Variants in PCDH15 observed in about 807,000 individuals in gnomAD.
PCDH15 encodes the protein protocadherin related 15.
In PCDH15, 129 loss-of-function variants were observed where a neutral mutation model predicts 178.5. The ratio of observed to expected loss-of-function variants is 0.72; its 90% CI spans 0.63 to 0.84. The LOEUF (loss-of-function observed/expected upper bound fraction) is 0.84. PCDH15 is among the 40% of genes least tolerant of loss of function. The pLI is 0.00. For synonymous variants in PCDH15, 800 were observed against 732.0 expected (o/e 1.09, Z -1.50); for missense variants, 2,230 against 2,099.9 (o/e 1.06, Z -1.21).
intron 3 of PCDH15, among the ~76,000 whole-genome samples, chr10:54,858,873 A>C (rs1275699809): frequency 6.6e-6 from 1 of 152,080 alleles, no homozygotes; most frequent in Admixed American, 6.6e-5. Context: ...GAAAACAATA[A>C]CTACTGAAGA....
Position 55,205,889 on chromosome 10 carries a change from G to A in PCDH15, c.-155-39238C>T, listed in dbSNP as rs137883235. Among the ~76,000 whole-genome samples the A allele has an allele frequency of 6.4e-4, 97 of 152,154 alleles. 1 individual carries two copies. The highest frequency in any genetic ancestry group is 2.2e-3 in the African/African-American group (90 of 41,462). Reference sequence around the variant, plus strand: ...CACAGTCATCGCAGAAGGCAAGGAGGAGCAAGTCATATCTTACGTTGATGG... The same window carrying A: ...CACAGTCATCGCAGAAGGCAAGGAGAAGCAAGTCATATCTTACGTTGATGG... On this transcript the variant is annotated intron_variant, in intron 1 of 5. Coordinates refer to the PCDH15 transcript ENST00000458638.
intron 2 of PCDH15, among the ~76,000 whole-genome samples, chr10:55,566,015 G>A (rs940494621): frequency 4.0e-5 from 6 of 151,398 alleles, no homozygotes; most frequent in African/African-American, 9.7e-5. Context: ...TACCATAGAC[G>A]TATCCTTTAT....
intron 3 of PCDH15, among the ~76,000 whole-genome samples, chr10:54,394,458 A>G (rs535178596): frequency 7.2e-5 from 11 of 152,234 alleles, no homozygotes; most frequent in African/African-American, 2.6e-4. Flanking sequence ...CACAAAAACC[A>G]GCAAGTTTTT....
intron 3 of PCDH15, among the ~76,000 whole-genome samples, chr10:54,881,659 TGTC>T (rs1318214648): frequency 2.0e-5 from 3 of 152,082 alleles, no homozygotes; most frequent in Non-Finnish European, 4.4e-5. Context: ...TAGATGATAC[TGTC>T]TACCTCAAAA....
Position 55,377,575 on chromosome 10 carries a change from C to A in PCDH15, c.-155-210924G>T, listed in dbSNP as rs537915116. ...ATTTAGTTGCTATATGTTTCAAGTT[C>A]TCATAAAAATAATTCAATAAAATAA... On this transcript the variant is annotated intron_variant, in intron 2 of 5. Transcript: ENST00000613346. Among the ~76,000 whole-genome samples, 82 of 151,950 alleles carry A rather than the reference C, an allele frequency of 5.4e-4. 2 individuals carry two copies. The South Asian group carries it at 0.011, about 21-fold the overall frequency.
intron 13 of PCDH15, among the ~76,000 whole-genome samples, chr10:54,175,347 G>T (rs2047335873): frequency 6.6e-6 from 1 of 152,102 alleles, no homozygotes. Context: ...TACAAAAACA[G>T]AATTTAATAT....
At chr10:54,492,151 T>C (rs1420016161) in intron 3 of PCDH15, among the ~76,000 whole-genome samples, 1 of 152,128 alleles carries the variant, frequency 6.6e-6, no homozygotes, top group Non-Finnish European at 1.5e-5. Context: ...TTCCAAGTAG[T>C]AGCTTAAAAT....
At chr10:55,149,718 C>T (rs948939375) in intron 2 of PCDH15, among the ~76,000 whole-genome samples, 6 of 151,696 alleles carry the variant, frequency 4.0e-5, no homozygotes, top group Non-Finnish European at 8.8e-5. Context: ...CTCAGATATG[C>T]TTCTTTGGTG....
At chr10:55,010,748 A>G (rs1840028452) in intron 2 of PCDH15, among the ~76,000 whole-genome samples, 1 of 152,146 alleles carries the variant, frequency 6.6e-6, no homozygotes, top group Non-Finnish European at 1.5e-5. Flanking sequence ...AATATTGATA[A>G]AATGATTATA....
chr10:55,423,219 A>C (rs1838667726), intron 2 of PCDH15, among the ~76,000 whole-genome samples: 1 of 151,986 alleles, frequency 6.6e-6, no homozygotes, highest in African/African-American at 2.4e-5. Context: ...AAGGGTGAAC[A>C]ATAGATAAAA....
chr10:55,185,265 T>C lies in PCDH15; in HGVS notation c.-155-18614A>G, dbSNP rs374865322. Among the ~76,000 whole-genome samples the C allele has an allele frequency of 9.1e-4, 138 of 151,962 alleles. 1 individual carries two copies. Among genetic ancestry groups the C allele is most frequent in the South Asian group, 6.2e-3 (30 of 4,826 alleles). On this transcript the variant is annotated intron_variant, in intron 1 of 5. Transcript: ENST00000458638. ...ACAAATGTTTAGGTGGTATACACTT[T>C]GTCTGTTTGTAGCTCATTATCTATA...
intron 26 of PCDH15, among the ~76,000 whole-genome samples, chr10:53,900,616 T>A (rs1279194467): frequency 1.3e-5 from 2 of 152,290 alleles, no homozygotes; most frequent in South Asian, 4.1e-4. Context: ...ATCCCCTAAA[T>A]GTTCAACTTT....
chr10:55,460,452 A>G lies in PCDH15; in HGVS notation c.-156+167173T>C, dbSNP rs1428013784. The stretch of plus-strand genomic sequence containing the variant: ...GTTTCATTTTGGGTGGGTTCTACTG[A>G]TAAGTCTACAATTAATTAATCTTTT... On this transcript the variant is annotated intron_variant, in intron 2 of 5. Transcript: ENST00000613346. Among the ~76,000 whole-genome samples the G allele has an allele frequency of 3.9e-5, 6 of 152,106 alleles. No individual in the cohort carries two copies. In the East Asian group the frequency reaches 9.7e-4, roughly 25 times the overall value.
At chr10:53,861,613 AAAT>A (rs2079110896) in intron 27 of PCDH15, among the ~76,000 whole-genome samples, 1 of 152,216 alleles carries the variant, frequency 6.6e-6, no homozygotes, top group South Asian at 2.1e-4. Context: ...AGAAAGATAA[AAAT>A]AATAAGATTA....
At chr10:54,686,202 A>G (rs1258660068) in intron 1 of PCDH15, among the ~76,000 whole-genome samples, 2 of 147,220 alleles carry the variant, frequency 1.4e-5, no homozygotes, top group Non-Finnish European at 3.1e-5. Context: ...ATTATAACCC[A>G]GAGCTAAAAA....
At chr10:54,646,569 A>G (rs2094133756) in intron 2 of PCDH15, among the ~76,000 whole-genome samples, 1 of 152,090 alleles carries the variant, frequency 6.6e-6, no homozygotes, top group Non-Finnish European at 1.5e-5. Context: ...TTCCTACACC[A>G]CTTATTACTA....
chr10:55,159,365 CTATCTATA>C (rs1283775680), intron 2 of PCDH15, among the ~76,000 whole-genome samples: 7 of 17,272 alleles, frequency 4.1e-4, no homozygotes, highest in African/African-American at 7.9e-4. Flanking sequence ...ATCTATCTAT[CTATCTATA>C]TATATATATA....
intron 2 of PCDH15, among the ~76,000 whole-genome samples, chr10:55,149,780 T>C (rs901048616): frequency 6.6e-6 from 1 of 152,088 alleles, no homozygotes; most frequent in Admixed American, 6.6e-5. Flanking sequence ...TAGGTTCTAT[T>C]CTAGTTTCAA....
At chr10:55,494,683 C>T (rs1343266225) in intron 2 of PCDH15, among the ~76,000 whole-genome samples, 2 of 151,644 alleles carry the variant, frequency 1.3e-5, no homozygotes, top group Non-Finnish European at 2.9e-5. Flanking sequence ...GATTGAAGTC[C>T]ACTGAAATTA....
Sources: gnomAD v4.1 joint callset for allele counts (sites outside exome capture counted in the v4.1 genomes callset) on GRCh38, gnomAD v4.1.1 for gene constraint, MANE v1.5 for transcripts, NCBI Gene and HGNC (gene_info 2026-07-23, HGNC 2026-07-21) for gene names.